The following SSU72 variants were observed in gnomAD, a reference collection of about 807,000 sequenced individuals.
The protein encoded by SSU72 is SSU72 homolog, RNA polymerase II CTD phosphatase, also known as RNA polymerase II subunit A C-terminal domain phosphatase SSU72.
In SSU72, 12 loss-of-function variants were observed where a neutral mutation model predicts 22.7. The observed-to-expected ratio is 0.53, with a 90% confidence interval of 0.34 to 0.86. SSU72 has a LOEUF of 0.86. Ranked by LOEUF, SSU72 falls within the 40% of genes least tolerant of loss-of-function variation. The pLI is 0.02. For synonymous variants in SSU72, 116 were observed against 98.3 expected (o/e 1.18, Z -1.06); for missense variants, 151 against 249.8 (o/e 0.60, Z 2.67).
At chr1:1,557,362 G>A (rs377687970) in intron 2 of SSU72, among the ~76,000 whole-genome samples, 4 of 152,096 alleles carry the variant, frequency 2.6e-5, no homozygotes, top group African/African-American at 9.6e-5. Context: ...GCAGTGAGCC[G>A]AGATTGCACC....
intron 1 of SSU72, among the ~76,000 whole-genome samples, chr1:1,565,972 T>C (rs1642656220): frequency 6.6e-6 from 1 of 152,122 alleles, no homozygotes; most frequent in Admixed American, 6.6e-5. Flanking sequence ...AAAGTTACTT[T>C]GGCACCGAGT....
At chr1:1,570,715 A>G (rs1642718005) in intron 1 of SSU72, among the ~76,000 whole-genome samples, 2 of 152,382 alleles carry the variant, frequency 1.3e-5, no homozygotes, top group Non-Finnish European at 2.9e-5. Context: ...AGCAGACAAC[A>G]GAACAAGAGC....
chr1:1,570,450 C>T (rs905692349), intron 1 of SSU72, among the ~76,000 whole-genome samples: 1 of 151,802 alleles, frequency 6.6e-6, no homozygotes, highest in Admixed American at 6.6e-5. Context: ...CCGTTACCCC[C>T]GAGACCCCAG....
chr1:1,565,060 C>T, intron 1 of SSU72, 144 bp from the exon 2 acceptor site: 1 of 1,223,436 alleles, frequency 8.2e-7, no homozygotes. Flanking sequence ...TTAATCTAGG[C>T]CGGGCATGGT....
chr1:1,559,912 C>G (rs149359317), intron 2 of SSU72, among the ~76,000 whole-genome samples: 1 of 151,990 alleles, frequency 6.6e-6, no homozygotes, highest in Non-Finnish European at 1.5e-5. Context: ...TTAGTAGAGA[C>G]GGGGGTTTCT....
chr1:1,571,309 T>G (rs890119175), intron 1 of SSU72, among the ~76,000 whole-genome samples: 1 of 140,312 alleles, frequency 7.1e-6, no homozygotes, highest in African/African-American at 2.6e-5. Flanking sequence ...GGCAGGCGCC[T>G]GTAGTCCCAG....
At chr1:1,567,647 A>G (rs1642677726) in intron 1 of SSU72, among the ~76,000 whole-genome samples, 1 of 152,082 alleles carries the variant, frequency 6.6e-6, no homozygotes, top group Non-Finnish European at 1.5e-5. Context: ...GACAACATAC[A>G]ATAAAATATG....
At chr1:1,549,967 C>G (rs7516190) in intron 2 of SSU72, among the ~76,000 whole-genome samples, 49,287 of 139,196 alleles carry the variant, frequency 0.35, 10,205 homozygotes, top group African/African-American at 0.59. Context: ...GAGCGAGACT[C>G]TGTCTCAAAA....
intron 3 of SSU72, among the ~76,000 whole-genome samples, chr1:1,544,235 G>A (rs1405725093): frequency 6.6e-6 from 1 of 152,190 alleles, no homozygotes; most frequent in Non-Finnish European, 1.5e-5. Context: ...GCCAGTCCTG[G>A]GGTGAACCGT....
At chr1:1,571,229 A>C (rs1420906826) in intron 1 of SSU72, among the ~76,000 whole-genome samples, 3 of 125,758 alleles carry the variant, frequency 2.4e-5, no homozygotes, top group Admixed American at 1.9e-4. Context: ...TGGGCGACAG[A>C]GTGAGACTCC....
chr1:1,573,160 C>G (rs1430445321), intron 1 of SSU72, among the ~76,000 whole-genome samples: 2 of 151,256 alleles, frequency 1.3e-5, no homozygotes, highest in Non-Finnish European at 2.9e-5. Context: ...CAGTGGCTCA[C>G]GCCTGTAATC....
At chr1:1,566,016 G>A (rs1238948770) in intron 1 of SSU72, among the ~76,000 whole-genome samples, 2 of 152,100 alleles carry the variant, frequency 1.3e-5, no homozygotes, top group Non-Finnish European at 2.9e-5. Context: ...AGGCACTTTG[G>A]GAGGCCGAGA....
At chr1:1,547,828 G>T (rs904511683) in intron 2 of SSU72, among the ~76,000 whole-genome samples, 1 of 152,240 alleles carries the variant, frequency 6.6e-6, no homozygotes, top group Non-Finnish European at 1.5e-5. Flanking sequence ...CTGCCGGGCG[G>T]GAGGAAGGGG....
chr1:1,560,832 A>G (rs1360228533), intron 2 of SSU72: 1 of 152,258 alleles, frequency 6.6e-6, no homozygotes, highest in Non-Finnish European at 1.5e-5. Context: ...AAAAAATAAT[A>G]ATAATAAATT....
At chr1:1,556,894 A>C (rs939002441) in intron 2 of SSU72, among the ~76,000 whole-genome samples, 1 of 152,222 alleles carries the variant, frequency 6.6e-6, no homozygotes, top group African/African-American at 2.4e-5. Flanking sequence ...TCAAATGACC[A>C]CCAGCAACTA....
chr1:1,559,890 A>G (rs1352718848), intron 2 of SSU72, among the ~76,000 whole-genome samples: 1 of 152,012 alleles, frequency 6.6e-6, no homozygotes, highest in Non-Finnish European at 1.5e-5. Flanking sequence ...ATGGCCGGCT[A>G]ATTTTTTATT....
intron 1 of SSU72, among the ~76,000 whole-genome samples, chr1:1,573,499 C>T (rs1392452506): frequency 1.3e-5 from 2 of 149,966 alleles, no homozygotes; most frequent in Non-Finnish European, 3.0e-5. Context: ...ATCATGAACA[C>T]TTGACACTGA....
At chr1:1,553,556 A>G (rs1642479330) in intron 2 of SSU72, among the ~76,000 whole-genome samples, 1 of 151,330 alleles carries the variant, frequency 6.6e-6, no homozygotes, top group African/African-American at 2.4e-5. Flanking sequence ...CCAGCAGATC[A>G]TAAGGTCAGG....
Position 1,542,098 on chromosome 1 carries a change from G to T in SSU72, c.553C>A (p.Arg185Ser). 1.3e-6 allele frequency: 2 copies of T among 1,591,278 alleles called. No homozygotes were observed. The highest frequency in any genetic ancestry group is 1.7e-6 in the Non-Finnish European group (2 of 1,169,096). The change falls in exon 5 of 5, where the codon CGC (arginine) becomes AGC (serine). Residue 185 changes from arginine to serine, a missense_variant. By Grantham distance (110) the Arg-to-Ser change is moderately radical. Transcript: ENST00000291386. The surrounding 1 kb of genome is among the most constrained non-coding windows in gnomAD (Gnocchi z 4.4). ...AAGCAGACGGTGTGCAGAAAGGTGC[G>T]GCCACTCTTCTCCTCGAACTCCTGC... ...LLQEFEEKSG[R>S]TFLHTVCFY
Sources: allele counts gnomAD v4.1 joint callset (sites outside exome capture counted in the v4.1 genomes callset), GRCh38; gene constraint gnomAD v4.1.1; non-coding constraint Gnocchi (gnomAD v3.1); transcripts MANE v1.5; gene names NCBI Gene and HGNC (gene_info 2026-07-23, HGNC 2026-07-21).